The following IL15RA variants were observed in gnomAD, a reference collection of about 807,000 sequenced individuals.
IL15RA encodes interleukin-15 receptor subunit alpha.
In IL15RA, 26 loss-of-function variants were observed where a neutral mutation model predicts 24.2. The ratio of observed to expected loss-of-function variants is 1.07; its 90% CI spans 0.79 to 1.49. The LOEUF (loss-of-function observed/expected upper bound fraction) is 1.49, where lower values mean the gene tolerates loss of function less well. IL15RA is among the 40% of genes most tolerant of loss of function. The pLI is 0.00. For synonymous variants in IL15RA, 166 were observed against 157.6 expected (o/e 1.05, Z -0.40); for missense variants, 354 against 356.4 (o/e 0.99, Z 0.05).
rs41294177 is a variant in IL15RA at position 5,965,465 on chromosome 10, G to T, written c.283+680C>A. Among the ~76,000 whole-genome samples, 865 of 152,312 alleles carry T rather than the reference G, an allele frequency of 5.7e-3. 4 individuals carry two copies. Among genetic ancestry groups the T allele is most frequent in the Non-Finnish European group, 9.1e-3 (618 of 68,026 alleles). On this transcript the variant is annotated intron_variant, in intron 2 of 6. Transcript: ENST00000379977. This position sits in a 1 kb window ranked among gnomAD's most constrained non-coding sequence, Gnocchi z 5.8. The stretch of plus-strand genomic sequence containing the variant: ...GCAGCCAAATTCTCCTGCCAGCATC[G>T]TCTCAAATCAAAGCACTACATGTAA...
chr10:5,968,508 T>C lies in IL15RA; in HGVS notation c.89-2169A>G. 1 of 471,692 alleles carries C rather than the reference T, an allele frequency of 2.1e-6. No homozygotes were observed. Among genetic ancestry groups the C allele is most frequent in the South Asian group, 2.5e-5 (1 of 40,364 alleles). 29.2% of individuals were successfully genotyped at this position (471,692 alleles called of 1,614,324 possible). A position where few individuals can be genotyped will look rare whatever the true frequency, so the allele number is the denominator to read the frequency against. On this transcript the variant is annotated intron_variant, in intron 1 of 6. Transcript: ENST00000379977. The surrounding 1 kb of genome is among the most constrained non-coding windows in gnomAD (Gnocchi z 5.4). ...TACTCCCCATTCCAATGAGGACACA[T>C]CTTCTGCTAAGCTGATGGCGTGAGA...
At chr10:5,951,090 C>A (rs1203691054), downstream of IL15RA, among the ~76,000 whole-genome samples, 2 of 131,584 alleles carry the variant, frequency 1.5e-5, no homozygotes, top group Non-Finnish European at 3.1e-5. Flanking sequence ...TGCAGTGAGC[C>A]GAGATTGTGC....
chr10:5,974,891 A>T (rs1380241983), intron 1 of IL15RA, among the ~76,000 whole-genome samples: 1 of 151,874 alleles, frequency 6.6e-6, no homozygotes, highest in Non-Finnish European at 1.5e-5. Context: ...TAAGTAAATT[A>T]AAAATAAATA....
intron 1 of IL15RA, among the ~76,000 whole-genome samples, chr10:5,969,336 A>T (rs1283890408): frequency 7.0e-6 from 1 of 143,216 alleles, no homozygotes; most frequent in Non-Finnish European, 1.5e-5. Flanking sequence ...TAAAATTAAA[A>T]TTTTTAAATT....
In IL15RA at chr10:5,966,214, G is replaced by C; in HGVS notation, c.214C>G (p.Leu72Val). Residue 72 changes from leucine (L) to valine (V), a missense_variant, in exon 2 of 7, where the codon CTG becomes GTG. Physicochemically the swap from Leu to Val is conservative, Grantham distance 32. Coordinates refer to ENST00000379977, the MANE Select transcript of IL15RA (RefSeq NM_002189.4). This position sits in a 1 kb window ranked among gnomAD's most constrained non-coding sequence, Gnocchi z 6.4. ...GFKRKAGTSS[L>V]TECVLNKATN... ...GCCTTGTTCAACACGCACTCCGTCA[G>C]GCTGGACGTGCCGGCTTTACGCTTG... 2 of 1,614,172 alleles carry C rather than the reference G, an allele frequency of 1.2e-6. No homozygotes were observed. The highest frequency in any genetic ancestry group is 1.7e-6 in the Non-Finnish European group (2 of 1,180,000).
At chr10:5,949,050 G>T (rs1178619935), downstream of IL15RA, 2 of 348,016 alleles carry the variant, frequency 5.7e-6, no homozygotes, top group Non-Finnish European at 1.2e-5. The surrounding 1 kb of genome is among the most constrained non-coding windows in gnomAD (Gnocchi z 4.4). Context: ...TGAATCCTTC[G>T]ATGGAGAGGA....
Position 5,960,219 on chromosome 10 carries a change from G to T in IL15RA, c.583+148C>A. 2 of 753,470 alleles carry T rather than the reference G, an allele frequency of 2.7e-6. No individual in the cohort carries two copies. The highest frequency in any genetic ancestry group is 3.2e-5 in the South Asian group (2 of 61,884). The allele number at this position is 753,470 out of a possible 1,614,324, so 46.7% of individuals were successfully genotyped here. ...ACGGAGAAAGAGGTCAGGCCAGGACGCCGTGGCTGGTGGCCGGGGCCAGCA... is the reference window on the plus strand; with the variant it reads ...ACGGAGAAAGAGGTCAGGCCAGGACTCCGTGGCTGGTGGCCGGGGCCAGCA... On this transcript the variant is annotated intron_variant, in intron 4 of 6. Transcript: ENST00000379977. The surrounding 1 kb of genome is among the most constrained non-coding windows in gnomAD (Gnocchi z 5.1).
In IL15RA at chr10:5,964,155, A is replaced by G. The variant is rs1250950853; in HGVS notation, c.284-314T>C. Among the ~76,000 whole-genome samples, 1 of 152,078 alleles carries G rather than the reference A, an allele frequency of 6.6e-6. No individual in the cohort carries two copies. Among genetic ancestry groups the G allele is most frequent in the Non-Finnish European group, 1.5e-5 (1 of 68,016 alleles). On this transcript the variant is annotated intron_variant, in intron 2 of 6. Transcript: ENST00000379977. The surrounding 1 kb of genome is among the most constrained non-coding windows in gnomAD (Gnocchi z 5.6). ...TCTTGGGAGAATAAATGATCACTCA[A>G]TAGATTCTATTTTGTTTGTTTGAGA... is the stretch of plus-strand genomic sequence containing the variant.
At chr10:5,951,779 C>G (rs138427232), downstream of IL15RA, among the ~76,000 whole-genome samples, 2 of 151,602 alleles carry the variant, frequency 1.3e-5, no homozygotes, top group African/African-American at 4.8e-5. Flanking sequence ...GAGCTGAGAT[C>G]TCGCCATTGC....
In IL15RA at chr10:5,967,989, G is replaced by A. The variant is rs577390494; in HGVS notation, c.89-1650C>T. Among the ~76,000 whole-genome samples, 4 of 152,306 alleles carry A rather than the reference G, an allele frequency of 2.6e-5. No individual in the cohort carries two copies. The South Asian group carries it at 8.3e-4, about 32-fold the overall frequency. ...CAGGAGAATCACAGGAACCTGAGAG[G>A]CGGAGGTTGCAGTGAGCCAAGATTG... On this transcript the variant is annotated intron_variant, in intron 1 of 6. Coordinates refer to ENST00000379977, the MANE Select transcript of IL15RA (RefSeq NM_002189.4). The surrounding 1 kb of genome is among the most constrained non-coding windows in gnomAD (Gnocchi z 4.4).
At chr10:5,977,695 C>T, upstream of IL15RA, 1 of 1,216,134 alleles carries the variant, frequency 8.2e-7, no homozygotes, top group Non-Finnish European at 1.0e-6. Flanking sequence ...GGGAAGGAGC[C>T]CCGCCGGCCG....
Position 5,973,117 on chromosome 10 carries a change from C to T in IL15RA, c.88+4288G>A, listed in dbSNP as rs982134338. Among the ~76,000 whole-genome samples, 6 of 152,204 alleles carry T rather than the reference C, an allele frequency of 3.9e-5. No homozygotes were observed. The highest frequency in any genetic ancestry group is 1.4e-4 in the African/African-American group (6 of 41,454). Reference sequence around the variant, plus strand: ...CCGCAATCTTTCAGACTGAAATGCTCTCTAAGAAGTCAGTGACCTTCTACC... The same window carrying T: ...CCGCAATCTTTCAGACTGAAATGCTTTCTAAGAAGTCAGTGACCTTCTACC... On this transcript the variant is annotated intron_variant, in intron 1 of 6. Coordinates refer to ENST00000379977, the MANE Select transcript of IL15RA (RefSeq NM_002189.4). The surrounding 1 kb of genome is among the most constrained non-coding windows in gnomAD (Gnocchi z 4.5).
In IL15RA at chr10:5,961,835, G is replaced by A. The variant is rs977766691; in HGVS notation, c.383-1268C>T. Among the ~76,000 whole-genome samples the A allele has an allele frequency of 3.3e-5, 5 of 152,220 alleles. No homozygotes were observed. Among genetic ancestry groups the A allele is most frequent in the Non-Finnish European group, 5.9e-5 (4 of 68,054 alleles). ...TCTCTGGACGCACTGTTGTTGCCGCGTTCCCATGGTCTCCCAGCCACACAG... is the reference window on the plus strand; with the variant it reads ...TCTCTGGACGCACTGTTGTTGCCGCATTCCCATGGTCTCCCAGCCACACAG... On this transcript the variant is annotated intron_variant, in intron 3 of 6. Coordinates refer to ENST00000379977, the MANE Select transcript of IL15RA (RefSeq NM_002189.4). This position sits in a 1 kb window ranked among gnomAD's most constrained non-coding sequence, Gnocchi z 5.2.
downstream of IL15RA, chr10:5,949,136 T>C (rs573257568): frequency 6.0e-5 from 27 of 448,060 alleles, no homozygotes; most frequent in East Asian, 2.1e-4. The surrounding 1 kb of genome is among the most constrained non-coding windows in gnomAD (Gnocchi z 4.4). Flanking sequence ...GACAGGGTCA[T>C]TGGGAGGAGC....
At position 5,967,807 on chromosome 10, in the gene IL15RA, C is replaced by T. The variant is rs989320173; in HGVS notation, c.89-1468G>A. 2.6e-5 allele frequency among the ~76,000 whole-genome samples: 4 copies of T among 152,256 alleles called. No individual in the cohort carries two copies. Among genetic ancestry groups the T allele is most frequent in the East Asian group, 1.9e-4 (1 of 5,180 alleles). ...GGTGCGGTAGCTCACGCCTGTAATC[C>T]GAGGACTTTGGGAGGCTGAGGCAGG... On this transcript the variant is annotated intron_variant, in intron 1 of 6. Coordinates refer to ENST00000379977, the MANE Select transcript of IL15RA (RefSeq NM_002189.4). This position sits in a 1 kb window ranked among gnomAD's most constrained non-coding sequence, Gnocchi z 4.4.
At position 5,965,652 on chromosome 10, in the gene IL15RA, C is replaced by T. The variant is rs1363248435; in HGVS notation, c.283+493G>A. 2.6e-5 allele frequency among the ~76,000 whole-genome samples: 4 copies of T among 152,242 alleles called. No homozygotes were observed. The highest frequency in any genetic ancestry group is 5.9e-5 in the Non-Finnish European group (4 of 68,044). The stretch of plus-strand genomic sequence containing the variant: ...CAAAGCCAGGATTTAAACCCAGAAT[C>T]CTGTGACCCCAGCACCTGTGTGTTT... On this transcript the variant is annotated intron_variant, in intron 2 of 6. Transcript: ENST00000379977. The surrounding 1 kb of genome is among the most constrained non-coding windows in gnomAD (Gnocchi z 5.8).
intron 1 of IL15RA, among the ~76,000 whole-genome samples, chr10:5,974,729 T>C (rs1838145259): frequency 1.3e-5 from 2 of 151,694 alleles, no homozygotes; most frequent in South Asian, 4.2e-4. Flanking sequence ...ATACAAAAAT[T>C]AGCCGGGCGT....
In IL15RA at chr10:5,963,767, C is replaced by A. The variant is rs773378576; in HGVS notation, c.358G>T (p.Glu120Ter). 7.2e-6 allele frequency: 11 copies of A among 1,523,212 alleles called. No homozygotes were observed. Among genetic ancestry groups the A allele is most frequent in the Admixed American group, 2.7e-5 (1 of 37,556 alleles). 94.4% of individuals were successfully genotyped at this position (1,523,212 alleles called of 1,614,324 possible). A position where few individuals can be genotyped will look rare whatever the true frequency, so the allele number is the denominator to read the frequency against. ...VTTAGVTPQP[E>*]SLSPSGKEPA... ...CCTTTTCCAGAAGGGGAGAGGCTCT[C>A]TGGCTGTGGGGTCACCCCTGCCGTC... Residue 120 changes from glutamate (E) to a stop codon, truncating the protein, a stop_gained, in exon 3 of 7, where the codon GAG (glutamate) becomes TAG (stop). Transcript: ENST00000379977. LOFTEE classifies it high-confidence loss of function. The surrounding 1 kb of genome is among the most constrained non-coding windows in gnomAD (Gnocchi z 5.3).
In IL15RA at chr10:5,952,991, G is replaced by T; in HGVS notation, c.*104C>A. On this transcript the variant is annotated 3_prime_UTR_variant, in exon 7 of 7. Transcript: ENST00000379977. ...CTGGGACTTCTGAGAGGCCTGGTGAGCTTGCTCCTGGAGCCCGCTTCCTTG... is the reference window on the plus strand; with the variant it reads ...CTGGGACTTCTGAGAGGCCTGGTGATCTTGCTCCTGGAGCCCGCTTCCTTG... 1.2e-6 allele frequency: 1 copy of T among 841,800 alleles called. No individual in the cohort carries two copies. Among genetic ancestry groups the T allele is most frequent in the Non-Finnish European group, 2.0e-6 (1 of 507,644 alleles). 52.1% of individuals were successfully genotyped at this position (841,800 alleles called of 1,614,324 possible).
Sources: gnomAD v4.1 joint callset for allele counts (sites outside exome capture counted in the v4.1 genomes callset) on GRCh38, gnomAD v4.1.1 for gene constraint, Gnocchi (gnomAD v3.1) non-coding constraint, MANE v1.5 for transcripts, NCBI Gene and HGNC (gene_info 2026-07-23, HGNC 2026-07-21) for gene names.